The following NTRK3 variants were observed in gnomAD, a reference collection of about 807,000 sequenced individuals.
The protein encoded by NTRK3 is neurotrophic receptor tyrosine kinase 3, also known as NT-3 growth factor receptor.
Under a neutral mutation model 91.7 loss-of-function variants are expected in NTRK3, and 24 were observed. That is an observed-to-expected ratio of 0.26 (90% CI 0.19 to 0.37). The LOEUF is 0.37. NTRK3 is among the 10% of genes least tolerant of loss of function. The pLI, the probability that NTRK3 is intolerant of heterozygous loss-of-function variation, is 1.00. For missense variants in NTRK3, 880 were observed against 1,068.9 expected (o/e 0.82, Z 2.46); for synonymous variants, 483 against 404.0 (o/e 1.20, Z -2.34).
intron 17 of NTRK3, among the ~76,000 whole-genome samples, chr15:87,894,453 T>A (rs578032272): frequency 3.3e-5 from 5 of 152,148 alleles, no homozygotes; most frequent in African/African-American, 1.2e-4. Context: ...ATGTGCATCG[T>A]GTGTACAGTC....
chr15:88,119,755 C>T (rs1285426405), intron 13 of NTRK3, among the ~76,000 whole-genome samples: 3 of 152,208 alleles, frequency 2.0e-5, no homozygotes, highest in African/African-American at 7.2e-5. Flanking sequence ...AAACCCAATT[C>T]CTTTACCCAG....
At chr15:88,085,100 C>G (rs2048379229) in intron 13 of NTRK3, among the ~76,000 whole-genome samples, 1 of 152,196 alleles carries the variant, frequency 6.6e-6, no homozygotes, top group African/African-American at 2.4e-5. Flanking sequence ...AAAACAGAAA[C>G]AGCCTGGGTG....
chr15:87,986,066 GA>G (rs1001392084), intron 14 of NTRK3, among the ~76,000 whole-genome samples: 10 of 152,080 alleles, frequency 6.6e-5, no homozygotes, highest in African/African-American at 1.2e-4. Flanking sequence ...TAGTCATATG[GA>G]AAAAAAATTT....
chr15:87,965,959 T>C (rs1001959332), intron 14 of NTRK3, among the ~76,000 whole-genome samples: 2 of 151,924 alleles, frequency 1.3e-5, no homozygotes, highest in African/African-American at 4.8e-5. Flanking sequence ...GCACCTGTAA[T>C]CCCAGCTACT....
In NTRK3 at chr15:88,064,406, C is replaced by T. The variant is rs76518520; in HGVS notation, c.1397-31361G>A. ...TTCAAGGCCACACCCTTCCTTACTC[C>T]AGCTGCAAACTTCACATCGACAACC... On this transcript the variant is annotated intron_variant, in intron 13 of 18. Coordinates refer to ENST00000394480, the Ensembl canonical transcript of NTRK3. Among the ~76,000 whole-genome samples the T allele has an allele frequency of 1.4e-3, 217 of 152,320 alleles. 2 individuals are homozygous for T. In the East Asian group the frequency reaches 0.03, roughly 21 times the overall value.
chr15:87,942,207 GACT>G (rs2069941175), intron 14 of NTRK3, among the ~76,000 whole-genome samples: 1 of 152,262 alleles, frequency 6.6e-6, no homozygotes. Flanking sequence ...AGCATTTACA[GACT>G]ATTATTTTCT....
At chr15:87,904,521 C>T (rs902826949) in intron 17 of NTRK3, among the ~76,000 whole-genome samples, 1 of 152,086 alleles carries the variant, frequency 6.6e-6, no homozygotes, top group Non-Finnish European at 1.5e-5. Context: ...TTCATCTCAC[C>T]CCTGAAATCC....
intron 5 of NTRK3, among the ~76,000 whole-genome samples, chr15:88,173,842 T>C (rs1257598095): frequency 2.0e-5 from 3 of 152,118 alleles, no homozygotes; most frequent in Non-Finnish European, 4.4e-5. Flanking sequence ...CAACCTGGAG[T>C]TGGTTTCTGG....
intron 5 of NTRK3, among the ~76,000 whole-genome samples, chr15:88,179,125 G>T (rs2151573670): frequency 6.6e-6 from 1 of 152,312 alleles, no homozygotes; most frequent in East Asian, 1.9e-4. Context: ...GGGAGTAAGT[G>T]AGTTCATATT....
At chr15:88,084,140 G>A (rs1213655579) in intron 13 of NTRK3, among the ~76,000 whole-genome samples, 1 of 150,484 alleles carries the variant, frequency 6.6e-6, no homozygotes, top group Non-Finnish European at 1.5e-5. Flanking sequence ...TTCGAAACAG[G>A]AAATCATACT....
chr15:87,946,957 C>T lies in NTRK3; in HGVS notation c.1586-6204G>A, dbSNP rs549439857. Among the ~76,000 whole-genome samples, 10 of 144,632 alleles carry T rather than the reference C, an allele frequency of 6.9e-5. No individual in the cohort carries two copies. The South Asian group carries it at 1.6e-3, about 23-fold the overall frequency. 94.9% of individuals were successfully genotyped at this position (144,632 alleles called of 152,430 possible). A position where few individuals can be genotyped will look rare whatever the true frequency, so the allele number is the denominator to read the frequency against. ...AGTGCAATGGCGCAATCTGGGCTCA[C>T]TGCAACCTCCGCCACACAAGTTCAA... On this transcript the variant is annotated intron_variant, in intron 14 of 18. Coordinates refer to ENST00000394480, the Ensembl canonical transcript of NTRK3.
At chr15:87,981,447 C>T in intron 14 of NTRK3, 8 of 1,586,772 alleles carry the variant, frequency 5.0e-6, no homozygotes, top group Non-Finnish European at 6.0e-6. Context: ...TTCTTAAGTG[C>T]ACAATGCCAG....
At position 88,183,499 on chromosome 15, in the gene NTRK3, G is replaced by C. The variant is rs751722752; in HGVS notation, c.324-10C>G. 6.2e-7 allele frequency: 1 copy of C among 1,613,622 alleles called. No individual in the cohort carries two copies. Among genetic ancestry groups the C allele is most frequent in the Middle Eastern group, 1.6e-4 (1 of 6,062 alleles). On this transcript the variant is annotated splice_polypyrimidine_tract_variant and intron_variant, in intron 4 of 18. Coordinates refer to ENST00000394480, the Ensembl canonical transcript of NTRK3. Reference sequence around the variant, plus strand: ...TGAGTTCTTGATGGTCCTAGACAGAGAGAAAAAGAGGATCAGCAGAGCTCA... The same window carrying C: ...TGAGTTCTTGATGGTCCTAGACAGACAGAAAAAGAGGATCAGCAGAGCTCA...
At chr15:88,144,999 C>G (rs2042751938) in intron 6 of NTRK3, among the ~76,000 whole-genome samples, 1 of 152,150 alleles carries the variant, frequency 6.6e-6, no homozygotes, top group Non-Finnish European at 1.5e-5. Context: ...TGTGGCTTTC[C>G]TGGCTCCACA....
chr15:88,256,096 T>C, exon 3 of NTRK3: 2 of 1,611,816 alleles, frequency 1.2e-6, no homozygotes, highest in Non-Finnish European at 1.7e-6. Context: ...AGCCAGACGC[T>C]TCCCAGCAAG....
intron 13 of NTRK3, among the ~76,000 whole-genome samples, chr15:88,079,344 C>T (rs537524430): frequency 1.2e-4 from 19 of 152,286 alleles, no homozygotes; most frequent in East Asian, 5.8e-4. Flanking sequence ...CCTTCCCCAG[C>T]GCACCTGCCA....
intron 17 of NTRK3, among the ~76,000 whole-genome samples, chr15:87,885,201 T>G (rs988147569): frequency 2.0e-5 from 3 of 151,904 alleles, no homozygotes; most frequent in Admixed American, 6.6e-5. Context: ...AGCATAAACC[T>G]TAGCAGAAAA....
chr15:87,954,360 A>G (rs528329338), intron 14 of NTRK3, among the ~76,000 whole-genome samples: 1 of 152,330 alleles, frequency 6.6e-6, no homozygotes, highest in South Asian at 2.1e-4. Context: ...CAGTACAAAA[A>G]GTATGGAGGC....
At chr15:88,039,213 G>A (rs1359340361) in intron 13 of NTRK3, among the ~76,000 whole-genome samples, 1 of 151,470 alleles carries the variant, frequency 6.6e-6, no homozygotes. Flanking sequence ...CCTCTCTGCT[G>A]TCACTAATCC....
Sources: allele counts gnomAD v4.1 joint callset (sites outside exome capture counted in the v4.1 genomes callset), GRCh38; gene constraint gnomAD v4.1.1; transcripts MANE v1.5; gene names NCBI Gene and HGNC (gene_info 2026-07-23, HGNC 2026-07-21).